Variants in LRP5 observed in about 807,000 individuals in gnomAD.
The protein encoded by LRP5 is LDL receptor related protein 5.
Under a neutral mutation model 154.1 loss-of-function variants are expected in LRP5, and 62 were observed. That is an observed-to-expected ratio of 0.40 (90% CI 0.33 to 0.50). LRP5 has a LOEUF of 0.50. Among genes scored for constraint, LRP5 ranks in the 20% least tolerant of loss-of-function variants. The pLI is 0.55. For missense variants in LRP5, 1,915 were observed against 2,336.7 expected, an observed-to-expected ratio of 0.82 and a Z score of 3.72; for synonymous variants, 966 against 1,011.5, an observed-to-expected ratio of 0.96 and a Z score of 0.85.
chr11:68,408,352 G>A (rs1295245918), intron 9 of LRP5, among the ~76,000 whole-genome samples: 1 of 150,354 alleles, frequency 6.7e-6, no homozygotes, highest in Non-Finnish European at 1.5e-5. Context: ...AAAGTGCTGG[G>A]ATTACAGGCG....
At chr11:68,311,926 G>A (rs2153109856), upstream of LRP5, among the ~76,000 whole-genome samples, 1 of 152,312 alleles carries the variant, frequency 6.6e-6, no homozygotes, top group South Asian at 2.1e-4. Context: ...CTTCCTGGAG[G>A]GTTCAGTGGC....
At chr11:68,445,990 G>A (rs1032378539) in intron 21 of LRP5, among the ~76,000 whole-genome samples, 6 of 152,224 alleles carry the variant, frequency 3.9e-5, no homozygotes, top group African/African-American at 1.4e-4. Context: ...GTGATGGAGG[G>A]AGGAGGGGCA....
intron 5 of LRP5, among the ~76,000 whole-genome samples, chr11:68,384,233 C>T (rs2153151570): frequency 6.6e-6 from 1 of 152,330 alleles, no homozygotes; most frequent in Non-Finnish European, 1.5e-5. Flanking sequence ...CTCTGCATTC[C>T]TCCTGGCGAG....
chr11:68,342,801 G>T (rs973866693), intron 1 of LRP5, among the ~76,000 whole-genome samples: 7 of 152,248 alleles, frequency 4.6e-5, no homozygotes, highest in Admixed American at 3.9e-4. Flanking sequence ...TCTGGCCTTT[G>T]AAGAATGCAT....
At chr11:68,334,495 T>C (rs914499127) in intron 1 of LRP5, among the ~76,000 whole-genome samples, 4 of 152,222 alleles carry the variant, frequency 2.6e-5, no homozygotes, top group African/African-American at 9.6e-5. Context: ...GACGAGACAG[T>C]ACCCAGACAC....
intron 5 of LRP5, among the ~76,000 whole-genome samples, chr11:68,380,674 G>A (rs2098639788): frequency 6.6e-6 from 1 of 152,186 alleles, no homozygotes; most frequent in South Asian, 2.1e-4. Context: ...GCAGTGGGGC[G>A]TGTCCTGCAT....
intron 16 of LRP5, among the ~76,000 whole-genome samples, chr11:68,428,943 A>AAAAAAG (rs1226823081): frequency 0.051 from 161 of 3,174 alleles, 77 homozygotes; most frequent in African/African-American, 0.085. Context: ...AAAAAAAAAA[A>AAAAAAG]AAAATTAGCC....
At chr11:68,303,682 G>A in the LRP5 span, among the ~76,000 whole-genome samples, 1 of 152,152 alleles carries the variant, frequency 6.6e-6, no homozygotes, top group Admixed American at 6.6e-5. Context: ...TTTTAGTAGA[G>A]ATGGGTTTCA....
At chr11:68,411,697 C>A in intron 11 of LRP5, 77 bp downstream of exon 11, 2 of 1,467,708 alleles carry the variant, frequency 1.4e-6, no homozygotes, top group South Asian at 1.3e-5. Flanking sequence ...CCTCGCCGCA[C>A]ATACCCTGTG....
chr11:68,358,707 G>A (rs1258422855), intron 3 of LRP5, among the ~76,000 whole-genome samples: 1 of 152,196 alleles, frequency 6.6e-6, no homozygotes, highest in Non-Finnish European at 1.5e-5. Flanking sequence ...TCCCCTCGTT[G>A]GTTAATTGCT....
chr11:68,410,027 C>G lies in LRP5; in HGVS notation c.2205C>G (p.Ala735=), dbSNP rs770688294. 6.2e-7 allele frequency: 1 copy of G among 1,613,996 alleles called. No individual in the cohort carries two copies. Among genetic ancestry groups the G allele is most frequent in the Non-Finnish European group, 8.5e-7 (1 of 1,179,970 alleles). The stretch of plus-strand genomic sequence containing the variant: ...GGATGGGCAAGAACCTCTACTGGGC[C>G]GACACTGGGACCAACAGAATCGAAG... ...VDWMGKNLYW[A]DTGTNRIEVA... Residue 735 remains alanine (A), a synonymous_variant, in exon 10 of 23, where the codon GCC becomes GCG. Coordinates refer to ENST00000294304, the MANE Select transcript of LRP5 (RefSeq NM_002335.4).
In LRP5 at chr11:68,429,660, A is replaced by C. The variant is rs139554243; in HGVS notation, c.3723A>C (p.Pro1241=). 1 of 1,614,174 alleles carries C rather than the reference A, an allele frequency of 6.2e-7. No individual in the cohort carries two copies. The highest frequency in any genetic ancestry group is 8.5e-7 in the Non-Finnish European group (1 of 1,180,036). The change falls in exon 17 of 23, where the codon CCA becomes CCC. Residue 1241 remains proline (P), a synonymous_variant. Transcript: ENST00000294304. ...ATGGGACACCACGGTGCTCATGCCC[A>C]GTCCACCTCGTGCTCCTGCAGAACC... ...KGDGTPRCSC[P]VHLVLLQNLL...
At chr11:68,416,237 C>A in intron 12 of LRP5, 91 bp from the exon 13 acceptor site, 1 of 1,114,496 alleles carries the variant, frequency 9.0e-7, no homozygotes, top group Non-Finnish European at 1.4e-6. Flanking sequence ...AGATGCTGAG[C>A]CGCCTGTTGT....
At chr11:68,394,468 CTTT>C (rs1217880694) in intron 7 of LRP5, among the ~76,000 whole-genome samples, 2 of 139,996 alleles carry the variant, frequency 1.4e-5, no homozygotes, top group Non-Finnish European at 3.1e-5. Context: ...TGATTACCCA[CTTT>C]TTTTTTTTTT....
chr11:68,299,577 G>A, the LRP5 span, among the ~76,000 whole-genome samples: 1 of 151,042 alleles, frequency 6.6e-6, no homozygotes, highest in Admixed American at 6.6e-5. Flanking sequence ...TGAAGGGGAA[G>A]GGCCAGTCTT....
chr11:68,372,390 T>TCAGGCGGACC (rs2098634609), intron 5 of LRP5, among the ~76,000 whole-genome samples: 1 of 2,228 alleles, frequency 4.5e-4, no homozygotes, highest in East Asian at 7.5e-3. Context: ...CGTGGTGGTG[T>TCAGGCGGACC]TGAGGAGGTG....
intron 1 of LRP5, among the ~76,000 whole-genome samples, chr11:68,323,249 C>T (rs2098597766): frequency 2.0e-5 from 3 of 152,022 alleles, no homozygotes; most frequent in Admixed American, 1.3e-4. Context: ...GCTGGGATTA[C>T]AGGCACCCGC....
intron 18 of LRP5, among the ~76,000 whole-genome samples, chr11:68,434,354 ATT>A (rs2098673697): frequency 3.9e-4 from 1 of 2,592 alleles, no homozygotes; most frequent in Non-Finnish European, 2.5e-3. Context: ...GTTTTCTTTC[ATT>A]CATTCATTCA....
chr11:68,325,109 C>T (rs1344958572), intron 1 of LRP5, among the ~76,000 whole-genome samples: 5 of 152,196 alleles, frequency 3.3e-5, no homozygotes, highest in Admixed American at 6.5e-5. Context: ...ACCCCCCACC[C>T]CTGGAGCCCC....
Sources: gnomAD v4.1 joint callset for allele counts (sites outside exome capture counted in the v4.1 genomes callset) on GRCh38, gnomAD v4.1.1 for gene constraint, MANE v1.5 for transcripts, NCBI Gene and HGNC (gene_info 2026-07-23, HGNC 2026-07-21) for gene names.